EXOC2: variants seen among roughly 807,000 people sequenced by gnomAD.
EXOC2 encodes the protein SEC5-like 1.
Under a neutral mutation model 131.8 loss-of-function variants are expected in EXOC2, and 70 were observed. The observed-to-expected ratio is 0.53, with a 90% CI of 0.44 to 0.65. The LOEUF is 0.65. EXOC2 is among the 30% of genes least tolerant of loss of function. The pLI, the probability that EXOC2 is intolerant of heterozygous loss-of-function variation, is 0.00. For missense variants in EXOC2, 923 were observed against 1,108.6 expected (o/e 0.83, Z 2.38); for synonymous variants, 411 against 398.4 (o/e 1.03, Z -0.38).
intron 23 of EXOC2, among the ~76,000 whole-genome samples, chr6:513,945 G>A (rs1311779851): frequency 6.6e-6 from 1 of 152,130 alleles, no homozygotes; most frequent in Non-Finnish European, 1.5e-5. Flanking sequence ...TATGCTAATT[G>A]TACTATTTTT....
intron 1 of EXOC2, among the ~76,000 whole-genome samples, chr6:648,575 G>A (rs1364049496): frequency 6.6e-6 from 1 of 152,076 alleles, no homozygotes; most frequent in Admixed American, 6.5e-5. Context: ...GTCTGACTTT[G>A]CCTGTCATAA....
intron 7 of EXOC2, among the ~76,000 whole-genome samples, chr6:599,504 C>T (rs1026842837): frequency 5.9e-5 from 9 of 152,146 alleles, no homozygotes; most frequent in African/African-American, 1.9e-4. Flanking sequence ...ATTTTCATTA[C>T]ACTTCTAAAC....
At chr6:592,116 C>G (rs1314490301) in intron 11 of EXOC2, among the ~76,000 whole-genome samples, 2 of 152,056 alleles carry the variant, frequency 1.3e-5, no homozygotes, top group Non-Finnish European at 2.9e-5. Context: ...GCAGCTATGT[C>G]TTACTAGCGA....
intron 23 of EXOC2, chr6:524,891 T>TGTGA (rs10622775): frequency 0.95 from 145,257 of 152,190 alleles, 69,392 homozygotes; most frequent in East Asian, 1. Flanking sequence ...TTCCATCGAG[T>TGTGA]GTTTCTTTGG....
At chr6:538,107 A>C (rs1358990711) in intron 22 of EXOC2, among the ~76,000 whole-genome samples, 1 of 152,242 alleles carries the variant, frequency 6.6e-6, no homozygotes. Flanking sequence ...ATAGATGTGC[A>C]AACAGTTAAT....
chr6:649,516 T>TAA (rs141997420), intron 1 of EXOC2, among the ~76,000 whole-genome samples: 2 of 151,718 alleles, frequency 1.3e-5, no homozygotes, highest in South Asian at 2.1e-4. Context: ...CTGGTTTGCT[T>TAA]AAAAAAAAAT....
intron 11 of EXOC2, among the ~76,000 whole-genome samples, chr6:584,637 C>A (rs1759099780): frequency 1.3e-5 from 2 of 152,198 alleles, no homozygotes; most frequent in African/African-American, 4.8e-5. Context: ...TCAGATGGAA[C>A]ATACCATCTC....
chr6:542,265 TA>T (rs1290127917), intron 22 of EXOC2, among the ~76,000 whole-genome samples: 2 of 152,198 alleles, frequency 1.3e-5, no homozygotes, highest in Non-Finnish European at 2.9e-5. Context: ...TCTATTCTAT[TA>T]TATGGATAAA....
intron 1 of EXOC2, among the ~76,000 whole-genome samples, chr6:665,471 G>C (rs1018281982): frequency 3.3e-5 from 5 of 152,152 alleles, no homozygotes; most frequent in African/African-American, 9.7e-5. Context: ...ATTCAAAAAA[G>C]ATTCTTGCAC....
At position 497,370 on chromosome 6, in the gene EXOC2, T is replaced by C; in HGVS notation, c.2556A>G (p.Leu852=). 6.2e-7 allele frequency: 1 copy of C among 1,613,162 alleles called. No homozygotes were observed. The highest frequency in any genetic ancestry group is 8.5e-7 in the Non-Finnish European group (1 of 1,179,720). Residue 852 remains leucine (L), a synonymous_variant, in exon 25 of 28, where the codon TTA becomes TTG. Coordinates refer to ENST00000230449, the MANE Select transcript of EXOC2 (RefSeq NM_018303.6). ...CVSSFSKNGA[L]QARLEICALR... ...TGAAATTGAATGATTTTGTTACCTG[T>C]AAAGCTCCATTTTTGCTGAAGGATG...
Position 599,236 on chromosome 6 carries a change from A to AAGAGGAAAGGAAACTT in EXOC2, c.743-27_743-12dup. The stretch of plus-strand genomic sequence containing the variant: ...CAGTATTACTTGCTCCTGTTTTAAA[A>AAGAGGAAAGGAAACTT]AGAGGAAAGGAAACTTAGATGAAAG... On this transcript the variant is annotated splice_polypyrimidine_tract_variant and intron_variant, in intron 7 of 27. Transcript: ENST00000230449. 1 of 1,532,134 alleles carries AAGAGGAAAGGAAACTT rather than the reference A, an allele frequency of 6.5e-7. No homozygotes were observed. Among genetic ancestry groups the AAGAGGAAAGGAAACTT allele is most frequent in the Non-Finnish European group, 8.8e-7 (1 of 1,136,712 alleles). The allele number at this position is 1,532,134 out of a possible 1,614,324, so 94.9% of individuals were successfully genotyped here.
intron 1 of EXOC2, among the ~76,000 whole-genome samples, chr6:645,509 T>A (rs998182033): frequency 6.6e-6 from 1 of 151,964 alleles, no homozygotes; most frequent in Non-Finnish European, 1.5e-5. Context: ...AAGGAAATAT[T>A]CACAATAGAT....
chr6:671,854 A>AT (rs1294579576), intron 1 of EXOC2, among the ~76,000 whole-genome samples: 1 of 151,950 alleles, frequency 6.6e-6, no homozygotes, highest in Non-Finnish European at 1.5e-5. Context: ...ATCCTTCAGT[A>AT]TTTTTTATAT....
At chr6:678,775 A>G (rs1206070729) in intron 1 of EXOC2, among the ~76,000 whole-genome samples, 1 of 152,108 alleles carries the variant, frequency 6.6e-6, no homozygotes, top group African/African-American at 2.4e-5. Flanking sequence ...AATTCCAAAC[A>G]CTGATGATGG....
Position 488,961 on chromosome 6 carries a change from A to T in EXOC2, c.2681+18T>A. ...GAGCACATTCAACTGGCTCCTAAGA[A>T]CAGCACACAGGACTTACTTTTTATC... On this transcript the variant is annotated intron_variant, in intron 27 of 27. Coordinates refer to ENST00000230449, the MANE Select transcript of EXOC2 (RefSeq NM_018303.6). 1 of 1,612,732 alleles carries T rather than the reference A, an allele frequency of 6.2e-7. No homozygotes were observed. The highest frequency in any genetic ancestry group is 8.5e-7 in the Non-Finnish European group (1 of 1,179,204).
intron 22 of EXOC2, among the ~76,000 whole-genome samples, chr6:535,450 GA>G (rs1766381591): frequency 6.6e-6 from 1 of 151,910 alleles, no homozygotes; most frequent in African/African-American, 2.4e-5. Context: ...AAGAAATAAA[GA>G]AAAAAACCCA....
chr6:605,213 G>A (rs901810509), intron 7 of EXOC2, among the ~76,000 whole-genome samples: 11 of 152,178 alleles, frequency 7.2e-5, no homozygotes, highest in Non-Finnish European at 1.6e-4. Flanking sequence ...CAGTGTGCAG[G>A]GCTATGACAG....
intron 26 of EXOC2, 26 bp from the exon 27 acceptor site, chr6:489,064 G>C: frequency 6.2e-7 from 1 of 1,612,968 alleles, no homozygotes; most frequent in Non-Finnish European, 8.5e-7. Flanking sequence ...CCACACTGAA[G>C]TTGAAGCCTT....
At chr6:650,236 C>T (rs1188145040) in intron 1 of EXOC2, among the ~76,000 whole-genome samples, 1 of 152,166 alleles carries the variant, frequency 6.6e-6, no homozygotes, top group South Asian at 2.1e-4. Context: ...GGGTTCTAAA[C>T]TGAGTTCTGG....
Sources: gnomAD v4.1 joint callset for allele counts (sites outside exome capture counted in the v4.1 genomes callset) on GRCh38, gnomAD v4.1.1 for gene constraint, MANE v1.5 for transcripts, NCBI Gene and HGNC (gene_info 2026-07-23, HGNC 2026-07-21) for gene names.